The following XPR1 variants were observed in gnomAD, a reference collection of about 807,000 sequenced individuals.
XPR1 encodes solute carrier family 53 member 1.
Under a neutral mutation model 87.5 loss-of-function variants are expected in XPR1, and 28 were observed. The ratio of observed to expected loss-of-function variants is 0.32; its 90% CI spans 0.24 to 0.44. XPR1 has a LOEUF of 0.44. Among genes scored for constraint, XPR1 ranks in the 20% least tolerant of loss-of-function variants. The probability of loss-of-function intolerance (pLI) is 1.00; values close to 1 mark genes in which losing one functional copy is unlikely to be tolerated. For synonymous variants in XPR1, 300 were observed against 306.1 expected (o/e 0.98, Z 0.21); for missense variants, 559 against 862.3 (o/e 0.65, Z 4.41).
At chr1:180,746,714 C>A (rs568058970) in intron 2 of XPR1, among the ~76,000 whole-genome samples, 6 of 152,052 alleles carry the variant, frequency 3.9e-5, no homozygotes, top group African/African-American at 4.8e-5. Flanking sequence ...TTTAATAGGA[C>A]ATTTAAAAAA....
chr1:180,840,889 GCA>G (rs1426942680), intron 11 of XPR1, among the ~76,000 whole-genome samples: 2 of 151,896 alleles, frequency 1.3e-5, no homozygotes, highest in Admixed American at 1.3e-4. Context: ...GGCAGAGCAG[GCA>G]TACATTCAGC....
chr1:180,683,875 T>C (rs1458105564), intron 2 of XPR1, among the ~76,000 whole-genome samples: 1 of 152,052 alleles, frequency 6.6e-6, no homozygotes, highest in East Asian at 1.9e-4. Flanking sequence ...CTTTGTCAGA[T>C]GAGCAGGTTG....
In XPR1 at chr1:180,888,137, A is replaced by C. The variant is rs1293581206; in HGVS notation, c.*4071A>C. On this transcript the variant is annotated 3_prime_UTR_variant, in exon 15 of 15. Transcript: ENST00000367590. The stretch of plus-strand genomic sequence containing the variant: ...AGTGGTTATTAAATTGCTGGGAAAG[A>C]CCTGCCTTTATTTTCCTATCATCTT... 1 of 152,266 alleles carries C rather than the reference A, an allele frequency of 6.6e-6. No homozygotes were observed. The highest frequency in any genetic ancestry group is 1.9e-4 in the East Asian group (1 of 5,178). 9.4% of individuals were successfully genotyped at this position (152,266 alleles called of 1,614,324 possible).
chr1:180,784,981 C>T (rs141570031), intron 2 of XPR1, among the ~76,000 whole-genome samples: 10 of 113,436 alleles, frequency 8.8e-5, no homozygotes, highest in East Asian at 6.8e-4. Flanking sequence ...TATATTTTTT[C>T]GCCTGTTAGT....
intron 2 of XPR1, among the ~76,000 whole-genome samples, chr1:180,703,532 A>G (rs1557964942): frequency 3.3e-5 from 5 of 152,228 alleles, no homozygotes; most frequent in South Asian, 2.1e-4. Context: ...TAATGCACCA[A>G]TGGTAGGCAG....
At chr1:180,843,962 C>T (rs756462303) in intron 11 of XPR1, among the ~76,000 whole-genome samples, 1 of 152,154 alleles carries the variant, frequency 6.6e-6, no homozygotes, top group Non-Finnish European at 1.5e-5. Context: ...CCTGTAATCC[C>T]AGCACTTTGG....
At chr1:180,686,152 C>T (rs1278782239) in intron 2 of XPR1, among the ~76,000 whole-genome samples, 2 of 152,150 alleles carry the variant, frequency 1.3e-5, no homozygotes, top group African/African-American at 4.8e-5. Context: ...CTACACACTG[C>T]TTTGAATGTG....
chr1:180,698,891 A>C (rs574460753), intron 2 of XPR1, among the ~76,000 whole-genome samples: 2 of 152,202 alleles, frequency 1.3e-5, no homozygotes, highest in Admixed American at 6.5e-5. Context: ...TCTGATGGTA[A>C]TTACTTGATA....
At chr1:180,754,829 T>G (rs1647669148) in intron 2 of XPR1, among the ~76,000 whole-genome samples, 1 of 152,102 alleles carries the variant, frequency 6.6e-6, no homozygotes. Context: ...TTTCATGTCT[T>G]CCTTTCTTTA....
intron 1 of XPR1, among the ~76,000 whole-genome samples, chr1:180,662,055 GTTA>G (rs1271228158): frequency 1.3e-5 from 2 of 152,108 alleles, no homozygotes; most frequent in East Asian, 1.9e-4. Context: ...AGTTGTTGTA[GTTA>G]TTATTTTTGA....
intron 14 of XPR1, among the ~76,000 whole-genome samples, chr1:180,882,988 G>A (rs113408851): frequency 0.024 from 3,539 of 147,740 alleles, 141 homozygotes; most frequent in African/African-American, 0.089. Context: ...TTGGAGACAT[G>A]GTCTCAGTCT....
At chr1:180,786,500 T>TA (rs1649145459) in intron 2 of XPR1, among the ~76,000 whole-genome samples, 1 of 152,162 alleles carries the variant, frequency 6.6e-6, no homozygotes. Context: ...TTAATTTTAT[T>TA]AGCGTCTAGA....
At chr1:180,823,786 C>A (rs1351219658) in intron 7 of XPR1, among the ~76,000 whole-genome samples, 1 of 152,182 alleles carries the variant, frequency 6.6e-6, no homozygotes, top group East Asian at 1.9e-4. Flanking sequence ...AGGTCAGTAA[C>A]TAAGCAAATG....
In XPR1 at chr1:180,727,933, C is replaced by T. The variant is rs531309651; in HGVS notation, c.121+45522C>T. ...TCATCGTCATCTTGATTTTGGTCGG[C>T]TTCTTTACTGCAACCTGTTTTATCA... On this transcript the variant is annotated intron_variant, in intron 2 of 14. Coordinates refer to ENST00000367590, the MANE Select transcript of XPR1 (RefSeq NM_004736.4). Among the ~76,000 whole-genome samples the T allele has an allele frequency of 3.3e-5, 5 of 152,244 alleles. No homozygotes were observed. In the East Asian group the frequency reaches 9.7e-4, roughly 29 times the overall value.
intron 1 of XPR1, among the ~76,000 whole-genome samples, chr1:180,659,609 G>A (rs987273078): frequency 4.0e-4 from 6 of 14,862 alleles, no homozygotes; most frequent in African/African-American, 2.0e-3. Flanking sequence ...CCCACCCCCC[G>A]CCGGGTTCAA....
intron 2 of XPR1, among the ~76,000 whole-genome samples, chr1:180,702,058 T>C (rs1193301031): frequency 8.4e-5 from 7 of 83,516 alleles, no homozygotes; most frequent in Admixed American, 7.7e-4. Context: ...TTTCCTGCTT[T>C]CTCTTGTAGG....
At chr1:180,804,443 A>AT (rs1381590586) in intron 4 of XPR1, among the ~76,000 whole-genome samples, 2 of 152,208 alleles carry the variant, frequency 1.3e-5, no homozygotes, top group Non-Finnish European at 2.9e-5. Context: ...ATAAAATCAT[A>AT]TTTTTTAAAA....
At chr1:180,749,902 C>T (rs1429911886) in intron 2 of XPR1, among the ~76,000 whole-genome samples, 4 of 152,004 alleles carry the variant, frequency 2.6e-5, no homozygotes, top group East Asian at 1.9e-4. Context: ...AAAAACATAC[C>T]GTAGTTAAAA....
chr1:180,804,983 C>A (rs1323899278), intron 4 of XPR1, among the ~76,000 whole-genome samples: 2 of 152,148 alleles, frequency 1.3e-5, no homozygotes, highest in Non-Finnish European at 2.9e-5. Context: ...ACTTTCCTAG[C>A]AGCTTTTGTT....
Sources: allele counts gnomAD v4.1 joint callset (sites outside exome capture counted in the v4.1 genomes callset), GRCh38; gene constraint gnomAD v4.1.1; transcripts MANE v1.5; gene names NCBI Gene and HGNC (gene_info 2026-07-23, HGNC 2026-07-21).